AP3S1: variants seen among roughly 807,000 people sequenced by gnomAD.
The protein encoded by AP3S1 is AP-3 complex subunit sigma-1.
A neutral mutation model predicts 21.3 loss-of-function variants in AP3S1; 12 were observed. The observed-to-expected ratio is 0.56, with a 90% CI of 0.36 to 0.91. AP3S1 has a LOEUF of 0.91. Ranked by LOEUF, AP3S1 falls within the 40% of genes least tolerant of loss-of-function variation. AP3S1 has a pLI of 0.01. For missense variants in AP3S1, 116 were observed against 225.0 expected, an observed-to-expected ratio of 0.52 and a Z score of 3.10; for synonymous variants, 48 against 78.4, an observed-to-expected ratio of 0.61 and a Z score of 2.05.
intron 3 of AP3S1, among the ~76,000 whole-genome samples, chr5:115,889,102 G>A (rs1308194085): frequency 6.6e-6 from 1 of 152,106 alleles, no homozygotes; most frequent in Non-Finnish European, 1.5e-5. Context: ...TTTACCAGAG[G>A]CACACTTAAT....
At chr5:115,910,903 G>A (rs966116445) in intron 5 of AP3S1, among the ~76,000 whole-genome samples, 3 of 152,076 alleles carry the variant, frequency 2.0e-5, no homozygotes, top group South Asian at 2.1e-4. Flanking sequence ...CTACACAAAA[G>A]TATTGAACAT....
chr5:115,850,436 T>C (rs1159434256), intron 1 of AP3S1, among the ~76,000 whole-genome samples: 1 of 152,216 alleles, frequency 6.6e-6, no homozygotes, highest in African/African-American at 2.4e-5. Context: ...TTCACATTGT[T>C]GTGTCACCAT....
At chr5:115,909,707 T>C (rs1751941164) in intron 5 of AP3S1, among the ~76,000 whole-genome samples, 1 of 152,198 alleles carries the variant, frequency 6.6e-6, no homozygotes, top group Non-Finnish European at 1.5e-5. Flanking sequence ...TAATCTTAAA[T>C]CTTTAAGAAC....
intron 5 of AP3S1, 164 bp downstream of exon 5, chr5:115,903,156 T>A (rs970831797): frequency 2.0e-6 from 1 of 504,988 alleles, no homozygotes; most frequent in Non-Finnish European, 3.5e-6. Flanking sequence ...TGCTAAAGGT[T>A]CTGTGACTGT....
At chr5:115,882,705 T>C (rs1001162883) in intron 3 of AP3S1, among the ~76,000 whole-genome samples, 6 of 152,168 alleles carry the variant, frequency 3.9e-5, no homozygotes, top group Non-Finnish European at 1.5e-5. Context: ...AGGCAGTCTG[T>C]CTCTTATCAG....
intron 3 of AP3S1, among the ~76,000 whole-genome samples, chr5:115,878,584 G>A (rs7736007): frequency 0.21 from 31,531 of 152,100 alleles, 3,619 homozygotes; most frequent in African/African-American, 0.27. Context: ...GTACCATGCT[G>A]TTTGGGTTAC....
chr5:115,857,728 T>C (rs539587234), intron 1 of AP3S1, among the ~76,000 whole-genome samples: 20 of 152,338 alleles, frequency 1.3e-4, no homozygotes, highest in Non-Finnish European at 2.4e-4. Flanking sequence ...CATGATTTAT[T>C]CTGCTATTAA....
chr5:115,909,464 GTTAA>G (rs1381439869), intron 5 of AP3S1, among the ~76,000 whole-genome samples: 26 of 152,164 alleles, frequency 1.7e-4, no homozygotes, highest in East Asian at 9.7e-4. Flanking sequence ...TCTTAATTCT[GTTAA>G]TTTATTTAAT....
At chr5:115,895,265 T>C in intron 4 of AP3S1, 107 bp downstream of exon 4, 1 of 755,170 alleles carries the variant, frequency 1.3e-6, no homozygotes, top group Non-Finnish European at 2.0e-6. Flanking sequence ...TCTTTTATTA[T>C]TCAATTCATA....
At chr5:115,866,050 CCT>C (rs535883924) in intron 1 of AP3S1, among the ~76,000 whole-genome samples, 1 of 152,178 alleles carries the variant, frequency 6.6e-6, no homozygotes, top group African/African-American at 2.4e-5. Context: ...CCCATCTCGG[CCT>C]CTCAGAGTGC....
At chr5:115,849,527 A>C (rs1014798181) in intron 1 of AP3S1, among the ~76,000 whole-genome samples, 1 of 152,330 alleles carries the variant, frequency 6.6e-6, no homozygotes, top group Admixed American at 6.5e-5. Context: ...GGGACAGATC[A>C]TGCCTGTATG....
At chr5:115,866,387 C>T (rs1177998929) in intron 1 of AP3S1, among the ~76,000 whole-genome samples, 1 of 151,986 alleles carries the variant, frequency 6.6e-6, no homozygotes, top group Non-Finnish European at 1.5e-5. Context: ...TCCCTTTTAC[C>T]AGTGTATGTA....
At chr5:115,903,783 T>C (rs10052982) in intron 5 of AP3S1, 31,264 of 152,090 alleles carry the variant, frequency 0.21, 3,810 homozygotes, top group African/African-American at 0.33. Context: ...CTGAGCCACC[T>C]GGGTTCACAT....
intron 5 of AP3S1, among the ~76,000 whole-genome samples, chr5:115,907,981 C>T (rs1471997263): frequency 6.6e-6 from 1 of 152,124 alleles, no homozygotes; most frequent in East Asian, 1.9e-4. Flanking sequence ...AGATTATGCA[C>T]TTACTAATTA....
chr5:115,898,887 T>C (rs2112559379), intron 4 of AP3S1: 1 of 152,390 alleles, frequency 6.6e-6, no homozygotes, highest in South Asian at 2.1e-4. Context: ...CTGGGGGAGC[T>C]GCTGAGTTAT....
In AP3S1 at chr5:115,841,975, C is replaced by CA; in HGVS notation, c.-63_-62insA. 2.0e-6 allele frequency: 3 copies of CA among 1,520,944 alleles called. No individual in the cohort carries two copies. Among genetic ancestry groups the CA allele is most frequent in the Non-Finnish European group, 2.7e-6 (3 of 1,128,246 alleles). 94.2% of individuals were successfully genotyped at this position (1,520,944 alleles called of 1,614,324 possible). A position where few individuals can be genotyped will look rare whatever the true frequency, so the allele number is the denominator to read the frequency against. ...AAGGATCGCAGGCGAGATTACGAGG[C>CA]GAGGCTCGCGCGCCCGCCCCCGCCC... is the stretch of plus-strand genomic sequence containing the variant. On this transcript the variant is annotated 5_prime_UTR_variant, in exon 1 of 6. Coordinates refer to ENST00000316788, the MANE Select transcript of AP3S1 (RefSeq NM_001284.4).
intron 1 of AP3S1, among the ~76,000 whole-genome samples, chr5:115,860,321 A>G (rs775383781): frequency 6.6e-6 from 1 of 152,230 alleles, no homozygotes; most frequent in Non-Finnish European, 1.5e-5. Flanking sequence ...CACATCTGCA[A>G]AGGCATTTGT....
At chr5:115,877,188 A>G (rs1306499104) in intron 3 of AP3S1, among the ~76,000 whole-genome samples, 2 of 151,824 alleles carry the variant, frequency 1.3e-5, no homozygotes, top group Non-Finnish European at 2.9e-5. Flanking sequence ...TTTGTAATAT[A>G]TATATATTTT....
At chr5:115,858,294 A>G (rs1005321509) in intron 1 of AP3S1, among the ~76,000 whole-genome samples, 21 of 152,264 alleles carry the variant, frequency 1.4e-4, no homozygotes, top group African/African-American at 5.1e-4. Flanking sequence ...CATTGACTGC[A>G]TATAAAATTT....
Sources: gnomAD v4.1 joint callset for allele counts (sites outside exome capture counted in the v4.1 genomes callset) on GRCh38, gnomAD v4.1.1 for gene constraint, MANE v1.5 for transcripts, NCBI Gene and HGNC (gene_info 2026-07-23, HGNC 2026-07-21) for gene names.